The following KDM4B variants were observed in gnomAD, a reference collection of about 807,000 sequenced individuals.
KDM4B encodes lysine-specific demethylase 4B.
A neutral mutation model predicts 125.2 loss-of-function variants in KDM4B; 32 were observed. The ratio of observed to expected loss-of-function variants is 0.26; its 90% CI spans 0.19 to 0.34. The LOEUF (loss-of-function observed/expected upper bound fraction) is 0.34, where lower values mean the gene tolerates loss of function less well. Among genes scored for constraint, KDM4B ranks in the 10% least tolerant of loss-of-function variants. The probability of loss-of-function intolerance (pLI) is 1.00; values close to 1 mark genes in which losing one functional copy is unlikely to be tolerated. For synonymous variants in KDM4B, 721 were observed against 677.9 expected, an observed-to-expected ratio of 1.06 and a Z score of -0.99; for missense variants, 1,190 against 1,577.7, an observed-to-expected ratio of 0.75 and a Z score of 4.16.
rs371123423 is a variant in KDM4B, at chr19:5,041,267, C to T, written c.432+16C>T. On this transcript the variant is annotated intron_variant, in intron 5 of 22. Coordinates refer to ENST00000159111, the MANE Select transcript of KDM4B (RefSeq NM_015015.3). ...GTATGATGACGTAAGTATGAGGCTCCGGGGAAGAACAGGGACCAGCTTCCT... is the reference window on the plus strand; with the variant it reads ...GTATGATGACGTAAGTATGAGGCTCTGGGGAAGAACAGGGACCAGCTTCCT... The T allele has an allele frequency of 1.2e-4, 188 of 1,590,246 alleles. No homozygotes were observed. Among genetic ancestry groups the T allele is most frequent in the Non-Finnish European group, 1.5e-4 (172 of 1,159,818 alleles).
At position 5,145,013 on chromosome 19, in the gene KDM4B, G is replaced by A. The variant is rs567168845; in HGVS notation, c.3021+111G>A. Reference sequence around the variant, plus strand: ...AGGTGCCTTTGCCTGGGGCACTGGCGGGTGTGGGCCATGGTTAGTGAGGCC... The same window carrying A: ...AGGTGCCTTTGCCTGGGGCACTGGCAGGTGTGGGCCATGGTTAGTGAGGCC... On this transcript the variant is annotated intron_variant, in intron 21 of 22. Coordinates refer to ENST00000159111, the MANE Select transcript of KDM4B (RefSeq NM_015015.3). 1.9e-4 allele frequency: 274 copies of A among 1,440,204 alleles called. 1 individual carries two copies. Among genetic ancestry groups the A allele is most frequent in the Middle Eastern group, 5.4e-4 (3 of 5,548 alleles). 89.2% of individuals were successfully genotyped at this position (1,440,204 alleles called of 1,614,324 possible). A position where few individuals can be genotyped will look rare whatever the true frequency, so the allele number is the denominator to read the frequency against.
rs976594263 is a variant in KDM4B, at chr19:5,038,499, A to G, written c.142-1337A>G. ...CAGCCTTGTCTCGGTTTAACTCTAA[A>G]TTAGTGAAGGCACCGGGTTCCGGCT... On this transcript the variant is annotated intron_variant, in intron 3 of 22. Transcript: ENST00000159111. Among the ~76,000 whole-genome samples the G allele has an allele frequency of 3.9e-5, 6 of 152,266 alleles. No individual in the cohort carries two copies. In the East Asian group the frequency reaches 9.7e-4, roughly 25 times the overall value.
At chr19:5,050,071 G>T (rs371519140) in intron 6 of KDM4B, among the ~76,000 whole-genome samples, 1 of 152,214 alleles carries the variant, frequency 6.6e-6, no homozygotes, top group South Asian at 2.1e-4. Context: ...GCTGCGCCCC[G>T]TCTGTCTCCC....
chr19:5,133,966 G>A lies in KDM4B; in HGVS notation c.1990G>A (p.Ala664Thr). ...PLLSLQWKNR[A>T]ASFQAERKFN... is the part of the protein sequence containing the mutation. ...GCTGTCTCTGCAGTGGAAGAACAGG[G>A]CGGCCAGCTTCCAGGCCGAGAGGAA... Residue 664 changes from alanine to threonine, a missense_variant, in exon 14 of 23, where the codon GCG (alanine) becomes ACG (threonine). Ala to Thr is a moderately conservative substitution (Grantham distance 58). Transcript: ENST00000159111. 6.2e-7 allele frequency: 1 copy of A among 1,612,890 alleles called. No individual in the cohort carries two copies.
At chr19:5,076,756 C>T (rs1194264743) in intron 7 of KDM4B, 10 of 151,328 alleles carry the variant, frequency 6.6e-5, no homozygotes, top group East Asian at 4.0e-4. Context: ...TCCCCAGGGT[C>T]GTGTTGTCTC....
At chr19:5,056,440 C>T (rs2037398843) in intron 6 of KDM4B, among the ~76,000 whole-genome samples, 1 of 144,592 alleles carries the variant, frequency 6.9e-6, no homozygotes. Context: ...GAGTCTTGCT[C>T]TGTTGCCTAG....
intron 2 of KDM4B, 91 bp from the exon 3 acceptor site, chr19:5,032,775 T>G (rs1274700944): frequency 7.8e-7 from 1 of 1,283,052 alleles, no homozygotes; most frequent in Non-Finnish European, 1.1e-6. Flanking sequence ...GGCCACGGTA[T>G]TTTTAGCACG....
At chr19:4,981,163 C>T (rs1420603426) in intron 1 of KDM4B, among the ~76,000 whole-genome samples, 1 of 152,164 alleles carries the variant, frequency 6.6e-6, no homozygotes, top group East Asian at 1.9e-4. Context: ...TCTGTGCAGC[C>T]ACAGGGCCCC....
Position 5,144,415 on chromosome 19 carries a change from G to A in KDM4B, c.2901+3G>A. ...ACCTGTACCCTGAGAGCATCACGGT[G>A]AGCTGTGGGGTGGGGCAGGGGGCGG... is the stretch of plus-strand genomic sequence containing the variant. On this transcript the variant is annotated splice_donor_region_variant and intron_variant, in intron 20 of 22. Coordinates refer to ENST00000159111, the MANE Select transcript of KDM4B (RefSeq NM_015015.3). The A allele has an allele frequency of 6.6e-7, 1 of 1,520,700 alleles. No individual in the cohort carries two copies. The highest frequency in any genetic ancestry group is 9.0e-7 in the Non-Finnish European group (1 of 1,117,088). 94.2% of individuals were successfully genotyped at this position (1,520,700 alleles called of 1,614,324 possible). A position where few individuals can be genotyped will look rare whatever the true frequency, so the allele number is the denominator to read the frequency against.
chr19:5,072,962 C>T (rs893727639), intron 7 of KDM4B, among the ~76,000 whole-genome samples: 2 of 151,970 alleles, frequency 1.3e-5, no homozygotes, highest in African/African-American at 4.8e-5. Flanking sequence ...TGACTTGGGC[C>T]GCATCACTCC....
intron 9 of KDM4B, among the ~76,000 whole-genome samples, chr19:5,107,257 G>A (rs1023893897): frequency 6.6e-6 from 1 of 152,254 alleles, no homozygotes; most frequent in African/African-American, 2.4e-5. Flanking sequence ...GCCTTTGGGG[G>A]CCGCGCAGAC....
Position 5,075,990 on chromosome 19 carries a change from C to T in KDM4B, c.677-1377C>T, listed in dbSNP as rs556042044. 2.6e-4 allele frequency: 43 copies of T among 167,172 alleles called. 1 individual carries two copies. The South Asian group carries it at 4.1e-3, about 16-fold the overall frequency. 10.4% of individuals were successfully genotyped at this position (167,172 alleles called of 1,614,324 possible). A position where few individuals can be genotyped will look rare whatever the true frequency, so the allele number is the denominator to read the frequency against. On this transcript the variant is annotated intron_variant, in intron 7 of 22. Transcript: ENST00000159111. ...GCAGCACTGCTAACTCCTCACCGTC[C>T]CTGGCTGGTCTGGTTCTAGAACATC... is the stretch of plus-strand genomic sequence containing the variant.
At chr19:5,106,808 A>G (rs1442674404) in intron 9 of KDM4B, among the ~76,000 whole-genome samples, 2 of 152,154 alleles carry the variant, frequency 1.3e-5, no homozygotes, top group African/African-American at 2.4e-5. Context: ...TTAGCCAGGA[A>G]TGAGAAGAAG....
chr19:5,142,510 C>T lies in KDM4B; in HGVS notation c.2551-1457C>T, dbSNP rs959172128. On this transcript the variant is annotated intron_variant, in intron 18 of 22. Transcript: ENST00000159111. The surrounding 1 kb of genome is among the most constrained non-coding windows in gnomAD (Gnocchi z 5.4). ...TCATGGGCTGCCTGCTACCACGAGGCGGAAGGGGATGGTGCTGGGCACCAG... is the reference window on the plus strand; with the variant it reads ...TCATGGGCTGCCTGCTACCACGAGGTGGAAGGGGATGGTGCTGGGCACCAG... Among the ~76,000 whole-genome samples the T allele has an allele frequency of 2.0e-5, 3 of 152,134 alleles. No homozygotes were observed. Among genetic ancestry groups the T allele is most frequent in the South Asian group, 2.1e-4 (1 of 4,830 alleles).
intron 10 of KDM4B, chr19:5,119,201 C>G (rs2039312018): frequency 6.5e-7 from 1 of 1,534,194 alleles, no homozygotes; most frequent in East Asian, 2.4e-5. Flanking sequence ...AAAGAGCAGA[C>G]CAAAAGGCCG....
chr19:4,998,979 A>G (rs1345792470), intron 1 of KDM4B, among the ~76,000 whole-genome samples: 1 of 152,172 alleles, frequency 6.6e-6, no homozygotes, highest in Non-Finnish European at 1.5e-5. Context: ...TCCTTTGGTT[A>G]AGGTGGGCCC....
At chr19:5,099,524 C>T (rs1484858325) in intron 9 of KDM4B, among the ~76,000 whole-genome samples, 1 of 152,248 alleles carries the variant, frequency 6.6e-6, no homozygotes, top group Non-Finnish European at 1.5e-5. Context: ...CAGAGGCCTT[C>T]CCAGAATGGG....
chr19:5,061,478 A>G (rs1327706652), intron 6 of KDM4B, among the ~76,000 whole-genome samples: 4 of 152,222 alleles, frequency 2.6e-5, no homozygotes, highest in Non-Finnish European at 5.9e-5. Flanking sequence ...CCAAGCAAGT[A>G]TTAGTATCTG....
intron 10 of KDM4B, chr19:5,111,997 T>C: frequency 5.0e-6 from 3 of 597,486 alleles, no homozygotes; most frequent in Non-Finnish European, 9.1e-6. Context: ...CTCACACCTG[T>C]AATCTCTGCA....
Sources: allele counts gnomAD v4.1 joint callset (sites outside exome capture counted in the v4.1 genomes callset), GRCh38; gene constraint gnomAD v4.1.1; non-coding constraint Gnocchi (gnomAD v3.1); transcripts MANE v1.5; gene names NCBI Gene and HGNC (gene_info 2026-07-23, HGNC 2026-07-21).